The following MYO5B variants were observed in gnomAD, a reference collection of about 807,000 sequenced individuals.
MYO5B encodes unconventional myosin-Vb.
A neutral mutation model predicts 229.3 loss-of-function variants in MYO5B; 143 were observed. The ratio of observed to expected loss-of-function variants is 0.62; its 90% CI spans 0.54 to 0.72. MYO5B has a LOEUF of 0.72. MYO5B is among the 30% of genes least tolerant of loss of function. MYO5B has a pLI of 0.00. For synonymous variants in MYO5B, 918 were observed against 885.2 expected, an observed-to-expected ratio of 1.04 and a Z score of -0.66; for missense variants, 2,321 against 2,331.0, an observed-to-expected ratio of 1.00 and a Z score of 0.09.
chr18:49,936,137 G>C, intron 16 of MYO5B, 115 bp downstream of exon 16: 3 of 837,976 alleles, frequency 3.6e-6, no homozygotes, highest in East Asian at 2.7e-5. Flanking sequence ...GGGAGTGTAA[G>C]TCCAGGTGGT....
In MYO5B at chr18:49,872,223, G is replaced by A; in HGVS notation, c.3547C>T (p.Pro1183Ser). ...GGGTCCAAATCTATGTCAGTCTGTG[G>A]TGGTTCCGCCTGCATGGATAGAGAC... ...QDSKKVQAEPPQTDIDLDPNA... is the reference protein window; with the variant it reads ...QDSKKVQAEPSQTDIDLDPNA... Residue 1183 changes from proline (P) to serine (S), a missense_variant, in exon 27 of 40, where the codon CCA becomes TCA. Physicochemically the swap from Pro to Ser is moderately conservative, Grantham distance 74 (BLOSUM62 -1). Around this residue, in one of 2 missense-constraint regions of MYO5B, gnomAD observed 2,113 missense variants for 2,044.7 expected, o/e 1.03. Coordinates refer to ENST00000285039, the MANE Select transcript of MYO5B (RefSeq NM_001080467.3). 6.2e-7 allele frequency: 1 copy of A among 1,614,074 alleles called. No individual in the cohort carries two copies. The highest frequency in any genetic ancestry group is 1.3e-5 in the African/African-American group (1 of 75,014).
intron 11 of MYO5B, 50 bp from the exon 12 acceptor site, chr18:49,962,456 A>ATTCAC: frequency 6.2e-7 from 1 of 1,613,260 alleles, no homozygotes; most frequent in East Asian, 2.2e-5. Flanking sequence ...ACACCTTAAC[A>ATTCAC]TTCACCTCCC....
intron 1 of MYO5B, among the ~76,000 whole-genome samples, chr18:50,077,484 AACACACACACACACACAAACACAC>A (rs1276039740): frequency 9.2e-6 from 1 of 108,146 alleles, no homozygotes; most frequent in Non-Finnish European, 2.1e-5. Flanking sequence ...ATCAAGGCAA[AACACACACACACACACAAACACAC>A]ACACACACAC....
chr18:49,938,715 C>T (rs2025278733), intron 14 of MYO5B, among the ~76,000 whole-genome samples: 1 of 152,168 alleles, frequency 6.6e-6, no homozygotes. Flanking sequence ...CAAAACCATC[C>T]AACTGGTCAC....
chr18:49,917,904 G>T (rs959761327), intron 17 of MYO5B, among the ~76,000 whole-genome samples: 2 of 152,192 alleles, frequency 1.3e-5, no homozygotes, highest in African/African-American at 4.8e-5. Flanking sequence ...ACAACTGGGT[G>T]TATGGGAGAA....
intron 21 of MYO5B, among the ~76,000 whole-genome samples, chr18:49,897,440 A>T (rs1295879792): frequency 6.6e-6 from 1 of 152,344 alleles, no homozygotes; most frequent in African/African-American, 2.4e-5. Context: ...GTAAAAAAAA[A>T]TTTTTAAACT....
intron 1 of MYO5B, among the ~76,000 whole-genome samples, chr18:50,167,807 C>A (rs1347448016): frequency 6.6e-6 from 1 of 152,146 alleles, no homozygotes; most frequent in Non-Finnish European, 1.5e-5. Flanking sequence ...AATATATAAA[C>A]CTGAATGTTC....
chr18:50,193,782 G>A (rs2033260344), intron 1 of MYO5B, among the ~76,000 whole-genome samples: 1 of 152,276 alleles, frequency 6.6e-6, no homozygotes, highest in Non-Finnish European at 1.5e-5. Flanking sequence ...GGGCACATGT[G>A]AAGAAAAGGC....
In MYO5B at chr18:49,875,670, G is replaced by T. The variant is rs1417552289; in HGVS notation, c.3537+17C>A. On this transcript the variant is annotated intron_variant, in intron 26 of 39. Transcript: ENST00000285039. ...CTCATCCAAGCACCATAAGAGCACT[G>T]CAGCCCCTTCACGTACCTGGACTTT... is the stretch of plus-strand genomic sequence containing the variant. The T allele has an allele frequency of 6.2e-7, 1 of 1,613,962 alleles. No homozygotes were observed. The highest frequency in any genetic ancestry group is 1.1e-5 in the South Asian group (1 of 91,074).
chr18:49,953,404 C>T, intron 13 of MYO5B, 61 bp from the exon 14 acceptor site: 2 of 1,417,574 alleles, frequency 1.4e-6, no homozygotes, highest in South Asian at 1.2e-5. Context: ...TTCTCAACCA[C>T]TTTCATCTCA....
chr18:50,056,636 G>A (rs2030557339), intron 1 of MYO5B, among the ~76,000 whole-genome samples: 1 of 152,112 alleles, frequency 6.6e-6, no homozygotes, highest in Non-Finnish European at 1.5e-5. Context: ...CACTCCTGGA[G>A]TGACAGCTGA....
chr18:49,926,115 A>T (rs990682021), intron 17 of MYO5B, among the ~76,000 whole-genome samples: 1 of 152,202 alleles, frequency 6.6e-6, no homozygotes, highest in African/African-American at 2.4e-5. Context: ...AAAGAAAATA[A>T]CAACAGCCTT....
At chr18:50,093,180 C>CCACACACACACA (rs3075642) in intron 1 of MYO5B, among the ~76,000 whole-genome samples, 2 of 148,636 alleles carry the variant, frequency 1.3e-5, no homozygotes, top group Admixed American at 6.8e-5. Context: ...GAGCTTTGTG[C>CCACACACACACA]CACACACACA....
At chr18:49,985,864 G>GC (rs1301412382) in intron 7 of MYO5B, among the ~76,000 whole-genome samples, 5 of 152,116 alleles carry the variant, frequency 3.3e-5, no homozygotes, top group Non-Finnish European at 7.3e-5. Context: ...ACCTGTCCTT[G>GC]CAATTTGATC....
intron 16 of MYO5B, among the ~76,000 whole-genome samples, chr18:49,931,975 C>T (rs2025197990): frequency 6.6e-6 from 1 of 152,200 alleles, no homozygotes; most frequent in South Asian, 2.1e-4. Context: ...CAGCCCATTG[C>T]ACACACCAGG....
chr18:50,087,951 C>A (rs1402750850), intron 1 of MYO5B, among the ~76,000 whole-genome samples: 1 of 152,136 alleles, frequency 6.6e-6, no homozygotes, highest in Non-Finnish European at 1.5e-5. Flanking sequence ...GGTTGGGTAC[C>A]ACAGAAACTC....
chr18:50,058,525 A>G (rs1188878905), intron 1 of MYO5B, among the ~76,000 whole-genome samples: 2 of 151,288 alleles, frequency 1.3e-5, no homozygotes, highest in Admixed American at 1.3e-4. Context: ...TTAAAAACAC[A>G]GTAGGCCGGG....
At chr18:49,927,632 C>G (rs1200399110) in intron 17 of MYO5B, among the ~76,000 whole-genome samples, 1 of 151,998 alleles carries the variant, frequency 6.6e-6, no homozygotes, top group East Asian at 1.9e-4. Context: ...AAAGCAAAAA[C>G]AAAAAGTGGG....
intron 22 of MYO5B, among the ~76,000 whole-genome samples, chr18:49,892,287 A>G (rs1174967279): frequency 6.6e-6 from 1 of 152,240 alleles, no homozygotes; most frequent in East Asian, 1.9e-4. Flanking sequence ...GTAGAAAAGG[A>G]TGTCATCTAA....
Sources: gnomAD v4.1 joint callset for allele counts (sites outside exome capture counted in the v4.1 genomes callset) on GRCh38, gnomAD v4.1.1 for gene constraint, gnomAD v4.1.1 regional missense constraint, MANE v1.5 for transcripts, NCBI Gene and HGNC (gene_info 2026-07-23, HGNC 2026-07-21) for gene names.